Variants in CAPN15 observed in about 807,000 individuals in gnomAD.
CAPN15 encodes calpain-15.
Under a neutral mutation model 97.9 loss-of-function variants are expected in CAPN15, and 53 were observed. The observed-to-expected ratio is 0.54, with a 90% CI of 0.43 to 0.68. The LOEUF (loss-of-function observed/expected upper bound fraction) is 0.68, where lower values mean the gene tolerates loss of function less well. Among genes scored for constraint, CAPN15 ranks in the 30% least tolerant of loss-of-function variants. CAPN15 has a pLI of 0.00. For synonymous variants in CAPN15, 922 were observed against 722.5 expected, an observed-to-expected ratio of 1.28 and a Z score of -4.43; for missense variants, 1,592 against 1,589.8, an observed-to-expected ratio of 1.00 and a Z score of -0.02.
At position 548,053 on chromosome 16, in the gene CAPN15, C is replaced by A. The variant is rs764211641; in HGVS notation, c.1215C>A (p.Ala405=). 1.3e-6 allele frequency: 2 copies of A among 1,550,578 alleles called. No homozygotes were observed. Among genetic ancestry groups the A allele is most frequent in the Non-Finnish European group, 1.7e-6 (2 of 1,148,938 alleles). The change falls in exon 4 of 14, where the codon GCC becomes GCA. Residue 405 remains alanine, a synonymous_variant. Coordinates refer to ENST00000219611, the MANE Select transcript of CAPN15 (RefSeq NM_005632.3). ...GACGGGTGTCCTCGGCCCAGAAGGC[C>A]GCCCGCGTCCTGCCCGAGCGCCCGG... ...SCGRVSSAQK[A]ARVLPERPGQ...
Position 535,565 on chromosome 16 carries a change from G to A in CAPN15, c.-136-464G>A, listed in dbSNP as rs1479057252. 4.6e-5 allele frequency among the ~76,000 whole-genome samples: 7 copies of A among 152,130 alleles called. No homozygotes were observed. Among genetic ancestry groups the A allele is most frequent in the Non-Finnish European group, 7.4e-5 (5 of 68,010 alleles). Reference sequence around the variant, plus strand: ...CCGCCCCGTTTAAAACTAGGGCATCGGCTCCCAGGGAGGGCGGGGAGCTGC... The same window carrying A: ...CCGCCCCGTTTAAAACTAGGGCATCAGCTCCCAGGGAGGGCGGGGAGCTGC... On this transcript the variant is annotated intron_variant, in intron 2 of 13. Transcript: ENST00000219611. This position sits in a 1 kb window ranked among gnomAD's most constrained non-coding sequence, Gnocchi z 6.2.
At position 547,274 on chromosome 16, in the gene CAPN15, G is replaced by A. The variant is rs1457892430; in HGVS notation, c.436G>A (p.Gly146Ser). The change falls in exon 4 of 14, where the codon GGC becomes AGC. Residue 146 changes from glycine to serine, a missense_variant. This residue lies in a region of CAPN15 where 883 missense variants were observed against 776.6 expected (regional missense o/e 1.14). Transcript: ENST00000219611. ...GGAGGGAGCGGCGGAGCCCAGAGGG[G>A]GCTGGGCGTGTCCGCGTTGCACGCT... is the stretch of plus-strand genomic sequence containing the variant. ...EEEGAAEPRG[G>S]WACPRCTLHN... 3 of 1,510,186 alleles carry A rather than the reference G, an allele frequency of 2.0e-6. No homozygotes were observed. Among genetic ancestry groups the A allele is most frequent in the African/African-American group, 2.8e-5 (2 of 72,604 alleles). 93.5% of individuals were successfully genotyped at this position (1,510,186 alleles called of 1,614,324 possible).
intron 9 of CAPN15, 189 bp downstream of exon 9, chr16:551,853 C>T (rs2035104710): frequency 3.0e-6 from 3 of 990,898 alleles, no homozygotes; most frequent in South Asian, 1.4e-5. Context: ...CAGCAGATTC[C>T]AGCGCCCTGA....
intron 3 of CAPN15, among the ~76,000 whole-genome samples, chr16:540,662 G>A (rs1317850031): frequency 2.0e-5 from 3 of 152,224 alleles, no homozygotes; most frequent in Non-Finnish European, 2.9e-5. Context: ...TTCTTTTTGG[G>A]CTGGGGTCGC....
chr16:536,574 C>T (rs578054639), intron 3 of CAPN15, among the ~76,000 whole-genome samples: 1 of 152,340 alleles, frequency 6.6e-6, no homozygotes, highest in African/African-American at 2.4e-5. Context: ...AGGCGCCCGC[C>T]ACCACGCCCA....
chr16:530,638 G>A (rs557922188), intron 1 of CAPN15, among the ~76,000 whole-genome samples: 6 of 152,324 alleles, frequency 3.9e-5, no homozygotes, highest in East Asian at 1.9e-4. Context: ...CTCCCGGTGC[G>A]TGGCCCAGGG....
chr16:542,572 C>G (rs2034194941), intron 3 of CAPN15, among the ~76,000 whole-genome samples: 1 of 152,156 alleles, frequency 6.6e-6, no homozygotes. Flanking sequence ...CCGTGCCTGT[C>G]TTTTTTTCAT....
In CAPN15 at chr16:552,583, G is replaced by T; in HGVS notation, c.2738-22G>T. The T allele has an allele frequency of 6.4e-7, 1 of 1,553,188 alleles. No individual in the cohort carries two copies. The highest frequency in any genetic ancestry group is 8.7e-7 in the Non-Finnish European group (1 of 1,152,934). On this transcript the variant is annotated intron_variant, in intron 11 of 13. Coordinates refer to ENST00000219611, the MANE Select transcript of CAPN15 (RefSeq NM_005632.3). This position sits in a 1 kb window ranked among gnomAD's most constrained non-coding sequence, Gnocchi z 6.4. Reference sequence around the variant, plus strand: ...CCCCAGGCCCACGGGGAGGGCTGCGGTTCACACGCCCGTCCTTGTAGCCTC... The same window carrying T: ...CCCCAGGCCCACGGGGAGGGCTGCGTTTCACACGCCCGTCCTTGTAGCCTC...
chr16:536,694 G>T (rs2033762310), intron 3 of CAPN15, among the ~76,000 whole-genome samples: 1 of 152,226 alleles, frequency 6.6e-6, no homozygotes, highest in Non-Finnish European at 1.5e-5. Context: ...ACAGTGCTGG[G>T]ATTACAGGCG....
intron 3 of CAPN15, chr16:538,597 C>T (rs1416851016): frequency 6.6e-6 from 1 of 152,258 alleles, no homozygotes; most frequent in African/African-American, 2.4e-5. Flanking sequence ...CGGCTTCTGC[C>T]CCAGGCCTCA....
At position 549,598 on chromosome 16, in the gene CAPN15, G is replaced by C; in HGVS notation, c.1843-17G>C. The C allele has an allele frequency of 2.0e-6, 3 of 1,528,694 alleles. No individual in the cohort carries two copies. Among genetic ancestry groups the C allele is most frequent in the Non-Finnish European group, 2.6e-6 (3 of 1,140,436 alleles). 94.7% of individuals were successfully genotyped at this position (1,528,694 alleles called of 1,614,324 possible). On this transcript the variant is annotated splice_polypyrimidine_tract_variant and intron_variant, in intron 6 of 13. Coordinates refer to ENST00000219611, the MANE Select transcript of CAPN15 (RefSeq NM_005632.3). The stretch of plus-strand genomic sequence containing the variant: ...TGGGGGGCGGGCGGGGGTGGCCTCT[G>C]ACCCGGCCCTCTGCAGGCGCAGCGG...
At chr16:551,746 C>T (rs1456587276) in intron 9 of CAPN15, 82 bp downstream of exon 9, 18 of 1,539,130 alleles carry the variant, frequency 1.2e-5, no homozygotes, top group East Asian at 2.3e-5. Context: ...GCCTGTCCCT[C>T]CTGCTGACCT....
rs1020600061 is a variant in CAPN15, at chr16:552,253, C to T, written c.2507+41C>T. ...CCCCATCGGGCTGGGCTGGGCTAGG[C>T]TGGCGGCCGTGACCACGCGTGACCC... On this transcript the variant is annotated intron_variant, in intron 10 of 13. Coordinates refer to ENST00000219611, the MANE Select transcript of CAPN15 (RefSeq NM_005632.3). The surrounding 1 kb of genome is among the most constrained non-coding windows in gnomAD (Gnocchi z 6.4). The T allele has an allele frequency of 2.0e-6, 3 of 1,534,730 alleles. No individual in the cohort carries two copies. The highest frequency in any genetic ancestry group is 1.2e-5 in the South Asian group (1 of 83,136).
In CAPN15 at chr16:552,232, A is replaced by G. The variant is rs370652813; in HGVS notation, c.2507+20A>G. 172 of 1,532,104 alleles carry G rather than the reference A, an allele frequency of 1.1e-4. No individual in the cohort carries two copies. Among genetic ancestry groups the G allele is most frequent in the Non-Finnish European group, 1.5e-4 (165 of 1,137,864 alleles). 94.9% of individuals were successfully genotyped at this position (1,532,104 alleles called of 1,614,324 possible). ...CAGCAGGTGGGTGCTGCGGGGCCCC[A>G]TCGGGCTGGGCTGGGCTAGGCTGGC... On this transcript the variant is annotated intron_variant, in intron 10 of 13. Transcript: ENST00000219611. The surrounding 1 kb of genome is among the most constrained non-coding windows in gnomAD (Gnocchi z 6.4).
chr16:544,932 G>T lies in CAPN15; in HGVS notation c.-22-1885G>T, dbSNP rs910868269. Among the ~76,000 whole-genome samples the T allele has an allele frequency of 3.6e-5, 5 of 140,002 alleles. No homozygotes were observed. The South Asian group carries it at 1.1e-3, about 32-fold the overall frequency. The allele number at this position is 140,002 out of a possible 152,430, so 91.8% of individuals were successfully genotyped here. A position where few individuals can be genotyped will look rare whatever the true frequency, so the allele number is the denominator to read the frequency against. On this transcript the variant is annotated intron_variant, in intron 3 of 13. Transcript: ENST00000219611. ...CCCTCACGTCGTCTGCCCTGAGCCC[G>T]CTCCCTTCGAAGGTAACCATCCTGC... is the stretch of plus-strand genomic sequence containing the variant.
chr16:553,284 C>A, intron 13 of CAPN15, 55 bp from the exon 14 acceptor site: 1 of 1,316,452 alleles, frequency 7.6e-7, no homozygotes, highest in East Asian at 2.3e-5. Flanking sequence ...TGGGCACAGC[C>A]CTGCCCCCAT....
At chr16:528,863 GC>G in intron 1 of CAPN15, 1 of 699,516 alleles carries the variant, frequency 1.4e-6, no homozygotes, top group Non-Finnish European at 1.8e-6. Context: ...CTCTTCCTCT[GC>G]CCAGGTCTGA....
chr16:540,929 G>A (rs1385030998), intron 3 of CAPN15, among the ~76,000 whole-genome samples: 4 of 152,200 alleles, frequency 2.6e-5, no homozygotes, highest in East Asian at 1.9e-4. Flanking sequence ...GGACCCCACC[G>A]ATGCTCCTGC....
At chr16:550,735 TCGG>T (rs2034948334) in intron 7 of CAPN15, among the ~76,000 whole-genome samples, 1 of 121,060 alleles carries the variant, frequency 8.3e-6, no homozygotes, top group African/African-American at 3.2e-5. Context: ...AGGGTCCCCG[TCGG>T]TGAGGGTCCC....
Sources: gnomAD v4.1 joint callset for allele counts (sites outside exome capture counted in the v4.1 genomes callset) on GRCh38, gnomAD v4.1.1 for gene constraint, gnomAD v4.1.1 regional missense constraint, Gnocchi (gnomAD v3.1) non-coding constraint, MANE v1.5 for transcripts, NCBI Gene and HGNC (gene_info 2026-07-23, HGNC 2026-07-21) for gene names.